GPHN: variants seen among roughly 807,000 people sequenced by gnomAD.
GPHN encodes gephyrin.
Under a neutral mutation model 95.5 loss-of-function variants are expected in GPHN, and 17 were observed. That is an observed-to-expected ratio of 0.18 (90% CI 0.12 to 0.27). GPHN has a LOEUF of 0.27. Among genes scored for constraint, GPHN ranks in the 10% least tolerant of loss-of-function variants. The probability of loss-of-function intolerance (pLI) is 1.00; values close to 1 mark genes in which losing one functional copy is unlikely to be tolerated. For synonymous variants in GPHN, 320 were observed against 322.5 expected (o/e 0.99, Z 0.08); for missense variants, 660 against 978.1 (o/e 0.67, Z 4.34).
intron 2 of GPHN, among the ~76,000 whole-genome samples, chr14:66,701,257 C>CTTT (rs5809320): frequency 4.0e-5 from 6 of 151,854 alleles, no homozygotes; most frequent in East Asian, 1.9e-4. Context: ...GCATATTTCT[C>CTTT]TTTTTTTTAC....
intron 1 of GPHN, among the ~76,000 whole-genome samples, chr14:66,517,546 A>G (rs767021151): frequency 2.0e-5 from 3 of 152,246 alleles, no homozygotes; most frequent in African/African-American, 7.2e-5. Context: ...AAAATATACT[A>G]CAGAGTGATA....
At chr14:67,010,634 A>G (rs576320380) in intron 9 of GPHN, among the ~76,000 whole-genome samples, 1 of 152,060 alleles carries the variant, frequency 6.6e-6, no homozygotes, top group African/African-American at 2.4e-5. Flanking sequence ...AATTTCCTAC[A>G]TGGAAAATTT....
chr14:66,535,412 A>T lies in GPHN; in HGVS notation c.64+26821A>T, dbSNP rs191007432. 3.6e-3 allele frequency among the ~76,000 whole-genome samples: 553 copies of T among 151,900 alleles called. 11 individuals are homozygous for T. The highest frequency in any genetic ancestry group is 0.013 in the African/African-American group (527 of 41,438). The stretch of plus-strand genomic sequence containing the variant: ...TGGTGGTATAAGTTCCTTCAATTTT[A>T]TTTCTTCTTCAACATTTTTTTTTGT... On this transcript the variant is annotated intron_variant, in intron 1 of 22. Transcript: ENST00000478722.
At chr14:66,941,657 A>G (rs982685138) in intron 8 of GPHN, among the ~76,000 whole-genome samples, 2 of 151,912 alleles carry the variant, frequency 1.3e-5, no homozygotes, top group African/African-American at 2.4e-5. Flanking sequence ...TGAAAGGGAA[A>G]CACACCCTTC....
intron 2 of GPHN, among the ~76,000 whole-genome samples, chr14:66,687,339 A>T (rs532343097): frequency 6.6e-6 from 1 of 151,980 alleles, no homozygotes. Context: ...AGGGTCTTTT[A>T]TGGTTTCATA....
chr14:67,541,838 C>T, the GPHN span: 21 of 1,565,862 alleles, frequency 1.3e-5, no homozygotes, highest in Non-Finnish European at 1.8e-5. Flanking sequence ...TCTTAGGGCT[C>T]CCCAGAATAA....
chr14:66,686,156 A>T (rs1017470916), intron 2 of GPHN, among the ~76,000 whole-genome samples: 1 of 152,122 alleles, frequency 6.6e-6, no homozygotes, highest in African/African-American at 2.4e-5. Context: ...GTAGCCTTGT[A>T]GTATAGTTTG....
chr14:67,601,431 G>C, the GPHN span, among the ~76,000 whole-genome samples: 151,173 of 152,276 alleles, frequency 0.99, 75,044 homozygotes, highest in Middle Eastern at 1. Flanking sequence ...TGGGAGTTCT[G>C]TCTCCCAAAT....
intron 2 of GPHN, among the ~76,000 whole-genome samples, chr14:66,701,468 C>G (rs1289803244): frequency 1.3e-5 from 2 of 152,136 alleles, no homozygotes; most frequent in Admixed American, 6.5e-5. Context: ...CCAAGGTATT[C>G]AGGCTGTCTA....
At chr14:66,746,759 C>T (rs61989580) in intron 2 of GPHN, among the ~76,000 whole-genome samples, 21,743 of 151,982 alleles carry the variant, frequency 0.14, 1,942 homozygotes, top group Non-Finnish European at 0.2. Flanking sequence ...GATAAGATGC[C>T]ACCAAGGCTA....
At chr14:66,967,102 C>A (rs2069387744) in intron 9 of GPHN, among the ~76,000 whole-genome samples, 1 of 151,656 alleles carries the variant, frequency 6.6e-6, no homozygotes, top group African/African-American at 2.4e-5. Context: ...ATATCTTTTT[C>A]TAGGAATAAG....
At chr14:67,435,447 T>C in the GPHN span, among the ~76,000 whole-genome samples, 28 of 152,288 alleles carry the variant, frequency 1.8e-4, no homozygotes, top group Middle Eastern at 3.4e-3. Flanking sequence ...ACATGAATTT[T>C]GGAGGGGACA....
At chr14:66,964,797 A>C (rs1024221197) in intron 8 of GPHN, among the ~76,000 whole-genome samples, 1 of 152,206 alleles carries the variant, frequency 6.6e-6, no homozygotes, top group African/African-American at 2.4e-5. Context: ...GATGGTGTGC[A>C]TACAGGTCAG....
At chr14:66,762,626 C>G (rs2058801851) in intron 2 of GPHN, among the ~76,000 whole-genome samples, 1 of 151,024 alleles carries the variant, frequency 6.6e-6, no homozygotes, top group Admixed American at 6.6e-5. Context: ...GTTTTCTGTT[C>G]ATAACCTTGA....
the GPHN span, among the ~76,000 whole-genome samples, chr14:67,514,617 G>A: frequency 6.6e-6 from 1 of 152,044 alleles, no homozygotes; most frequent in Non-Finnish European, 1.5e-5. Flanking sequence ...AATTCAGGAG[G>A]GTCCTTGGTT....
chr14:67,235,490 C>T, the GPHN span, among the ~76,000 whole-genome samples: 2 of 152,058 alleles, frequency 1.3e-5, no homozygotes, highest in Admixed American at 6.5e-5. Flanking sequence ...CCGAGGCGGG[C>T]GGATCACGAG....
the GPHN span, among the ~76,000 whole-genome samples, chr14:67,723,406 A>T: frequency 6.6e-6 from 1 of 152,066 alleles, no homozygotes; most frequent in Non-Finnish European, 1.5e-5. Context: ...GCTACTTTTT[A>T]AATTTTTTGT....
At chr14:67,675,021 T>G in the GPHN span, among the ~76,000 whole-genome samples, 2 of 152,090 alleles carry the variant, frequency 1.3e-5, no homozygotes, top group African/African-American at 4.8e-5. Context: ...TTCGGCCCGA[T>G]TTGATGTATG....
At chr14:67,407,412 C>T in the GPHN span, among the ~76,000 whole-genome samples, 285 of 151,884 alleles carry the variant, frequency 1.9e-3, no homozygotes, top group African/African-American at 6.4e-3. Flanking sequence ...TGAGCCACCA[C>T]GCCCAGCCCC....
Sources: allele counts gnomAD v4.1 joint callset (sites outside exome capture counted in the v4.1 genomes callset), GRCh38; gene constraint gnomAD v4.1.1; transcripts MANE v1.5; gene names NCBI Gene and HGNC (gene_info 2026-07-23, HGNC 2026-07-21).